UTP4: variants seen among roughly 807,000 people sequenced by gnomAD.
UTP4 encodes the protein UTP4 small subunit processome component.
In UTP4, 45 loss-of-function variants were observed where a neutral mutation model predicts 82.4. The observed-to-expected ratio is 0.55, with a 90% CI of 0.43 to 0.70. UTP4 has a LOEUF of 0.70. Ranked by LOEUF, UTP4 falls within the 30% of genes least tolerant of loss-of-function variation. UTP4 has a pLI of 0.00. For missense variants in UTP4, 819 were observed against 858.3 expected, an observed-to-expected ratio of 0.95 and a Z score of 0.57; for synonymous variants, 348 against 300.3, an observed-to-expected ratio of 1.16 and a Z score of -1.64.
chr16:69,153,523 TG>T, intron 8 of UTP4, 60 bp from the exon 9 acceptor site: 1 of 1,120,990 alleles, frequency 8.9e-7, no homozygotes, highest in Non-Finnish European at 1.3e-6. Flanking sequence ...CTACTGTATC[TG>T]GTACTAAGGC....
Position 69,160,251 on chromosome 16 carries a change from G to T in UTP4, c.1445-105G>T, listed in dbSNP as rs188294767. The T allele has an allele frequency of 6.7e-5, 57 of 851,744 alleles. No homozygotes were observed. The Admixed American group carries it at 9.6e-4, about 14-fold the overall frequency. The allele number at this position is 851,744 out of a possible 1,614,324, so 52.8% of individuals were successfully genotyped here. On this transcript the variant is annotated intron_variant, in intron 12 of 16. Transcript: ENST00000314423. ...GTGATCAGCAAATTATCCTGGCAGTGATTTAAAACTCTAATGGTCTCCTTG... is the reference window on the plus strand; with the variant it reads ...GTGATCAGCAAATTATCCTGGCAGTTATTTAAAACTCTAATGGTCTCCTTG...
intron 4 of UTP4, among the ~76,000 whole-genome samples, chr16:69,138,239 T>C (rs987593363): frequency 6.6e-6 from 1 of 151,376 alleles, no homozygotes; most frequent in Non-Finnish European, 1.5e-5. Flanking sequence ...TTCTTTCTTT[T>C]TTTTTTTTTT....
At chr16:69,153,274 C>T (rs35015253) in intron 8 of UTP4, among the ~76,000 whole-genome samples, 16,168 of 152,240 alleles carry the variant, frequency 0.11, 1,100 homozygotes, top group Non-Finnish European at 0.15. Context: ...GTTAGATGTC[C>T]TGTCTCCTTA....
At chr16:69,135,141 T>C (rs1464536981) in intron 2 of UTP4, among the ~76,000 whole-genome samples, 1 of 152,146 alleles carries the variant, frequency 6.6e-6, no homozygotes, top group Non-Finnish European at 1.5e-5. Context: ...CTTCCAATTT[T>C]ATGAGGATAG....
At chr16:69,147,386 T>G (rs1963147423) in intron 6 of UTP4, among the ~76,000 whole-genome samples, 1 of 151,780 alleles carries the variant, frequency 6.6e-6, no homozygotes, top group Non-Finnish European at 1.5e-5. Flanking sequence ...GCGCCTGTAG[T>G]CCCAGCTACT....
chr16:69,161,435 C>G (rs113722291), intron 13 of UTP4, among the ~76,000 whole-genome samples: 6 of 152,362 alleles, frequency 3.9e-5, no homozygotes, highest in African/African-American at 1.4e-4. Context: ...GAGCACTTGT[C>G]TTTGAGCCTT....
chr16:69,166,808 T>C (rs1342679947), intron 15 of UTP4: 2 of 476,948 alleles, frequency 4.2e-6, no homozygotes, highest in Non-Finnish European at 7.6e-6. Flanking sequence ...TCTCTTTGCC[T>C]CATACACCCA....
chr16:69,155,868 C>T lies in UTP4; in HGVS notation c.1165-3C>T. The T allele has an allele frequency of 6.2e-7, 1 of 1,614,100 alleles. No individual in the cohort carries two copies. The highest frequency in any genetic ancestry group is 1.7e-5 in the Admixed American group (1 of 60,022). ...CATTCATCTTGATTCCTGATATTGC[C>T]AGGGTCCTGAGAACATTATCTGTAG... On this transcript the variant is annotated splice_polypyrimidine_tract_variant and splice_region_variant and intron_variant, in intron 10 of 16. Coordinates refer to ENST00000314423, the MANE Select transcript of UTP4 (RefSeq NM_032830.3).
chr16:69,152,855 C>A (rs984673389), intron 8 of UTP4, among the ~76,000 whole-genome samples: 1 of 152,138 alleles, frequency 6.6e-6, no homozygotes, highest in Non-Finnish European at 1.5e-5. Flanking sequence ...AACTCCTGGT[C>A]TCAAGCAATC....
chr16:69,163,215 C>A, intron 14 of UTP4, 37 bp downstream of exon 14: 1 of 1,510,902 alleles, frequency 6.6e-7, no homozygotes, highest in Non-Finnish European at 9.2e-7. Flanking sequence ...TCCCTTCCTG[C>A]TGGATAGTAA....
At chr16:69,164,924 G>A (rs543916111) in intron 14 of UTP4, among the ~76,000 whole-genome samples, 31 of 152,190 alleles carry the variant, frequency 2.0e-4, no homozygotes, top group South Asian at 1.7e-3. Flanking sequence ...GGCAGGGCGC[G>A]GTGGCTCACG....
intron 6 of UTP4, among the ~76,000 whole-genome samples, chr16:69,145,020 T>C (rs1214000375): frequency 6.6e-6 from 1 of 151,806 alleles, no homozygotes; most frequent in Non-Finnish European, 1.5e-5. Context: ...TGGGCGCCTA[T>C]AATCCCATCT....
chr16:69,160,500 G>A (rs748632083), intron 13 of UTP4, 38 bp downstream of exon 13: 1 of 1,467,664 alleles, frequency 6.8e-7, no homozygotes, highest in East Asian at 2.3e-5. Flanking sequence ...TTGAATCATT[G>A]TACAGGAGCC....
intron 5 of UTP4, among the ~76,000 whole-genome samples, chr16:69,141,160 T>C (rs944107044): frequency 6.6e-6 from 1 of 152,228 alleles, no homozygotes; most frequent in Admixed American, 6.5e-5. Flanking sequence ...TCCCTCCCGG[T>C]GCCTTCTGAC....
intron 4 of UTP4, among the ~76,000 whole-genome samples, chr16:69,138,264 G>C (rs78710955): frequency 0.018 from 2,649 of 146,082 alleles, 85 homozygotes; most frequent in African/African-American, 0.064. Flanking sequence ...GAGGCAGAGT[G>C]TCACTCTGTC....
At chr16:69,152,803 T>A (rs1258443948) in intron 8 of UTP4, among the ~76,000 whole-genome samples, 2 of 152,004 alleles carry the variant, frequency 1.3e-5, no homozygotes, top group Non-Finnish European at 2.9e-5. Flanking sequence ...TTATTTTTTT[T>A]AATAGAGGCA....
intron 16 of UTP4, among the ~76,000 whole-genome samples, chr16:69,168,393 G>A (rs980642488): frequency 5.2e-5 from 7 of 134,916 alleles, no homozygotes; most frequent in East Asian, 2.3e-4. Context: ...CCGAGATTGC[G>A]CCACTGCACT....
chr16:69,133,124 T>G, intron 1 of UTP4: 3 of 344,518 alleles, frequency 8.7e-6, no homozygotes, highest in Admixed American at 4.3e-5. Flanking sequence ...ACTACCTCAG[T>G]TTAGGTCTGT....
chr16:69,138,054 T>C, intron 4 of UTP4, 169 bp downstream of exon 4: 1 of 626,204 alleles, frequency 1.6e-6, no homozygotes, highest in Non-Finnish European at 2.8e-6. Flanking sequence ...ACCCATTGTA[T>C]AGCATAGTTG....
Sources: gnomAD v4.1 joint callset for allele counts (sites outside exome capture counted in the v4.1 genomes callset) on GRCh38, gnomAD v4.1.1 for gene constraint, MANE v1.5 for transcripts, NCBI Gene and HGNC (gene_info 2026-07-23, HGNC 2026-07-21) for gene names.